Variants in AAK1 observed in about 807,000 individuals in gnomAD.
AAK1 encodes the protein AP2 associated kinase 1.
Under a neutral mutation model 116.0 loss-of-function variants are expected in AAK1, and 37 were observed. The observed-to-expected ratio is 0.32, with a 90% CI of 0.25 to 0.42. AAK1 has a LOEUF of 0.42. Among genes scored for constraint, AAK1 ranks in the 10% least tolerant of loss-of-function variants. The pLI is 1.00. For synonymous variants in AAK1, 458 were observed against 439.9 expected (o/e 1.04, Z -0.51); for missense variants, 919 against 1,170.6 (o/e 0.79, Z 3.14).
intron 12 of AAK1, chr2:69,517,069 C>A (rs1458563050): frequency 6.6e-6 from 1 of 152,128 alleles, no homozygotes; most frequent in Non-Finnish European, 1.5e-5. Context: ...ACAAAAAAAG[C>A]AATGTATTCA....
Position 69,465,567 on chromosome 2 carries a change from T to A in AAK1, c.*10302A>T. 3 of 1,290,990 alleles carry A rather than the reference T, an allele frequency of 2.3e-6. No homozygotes were observed. The highest frequency in any genetic ancestry group is 3.0e-6 in the Non-Finnish European group (3 of 988,882). 80.0% of individuals were successfully genotyped at this position (1,290,990 alleles called of 1,614,324 possible). On this transcript the variant is annotated 3_prime_UTR_variant, in exon 22 of 22. Coordinates refer to ENST00000409085, the MANE Select transcript of AAK1 (RefSeq NM_014911.5). Reference sequence around the variant, plus strand: ...CTTGTTGGTTTGTGAAACAATTTTGTAGGCAGCAATGGGCTGGGCTTCTGG... The same window carrying A: ...CTTGTTGGTTTGTGAAACAATTTTGAAGGCAGCAATGGGCTGGGCTTCTGG...
In AAK1 at chr2:69,530,628, A is replaced by G. The variant is rs1235052635; in HGVS notation, c.735T>C (p.Ile245=). The G allele has an allele frequency of 6.2e-7, 1 of 1,613,138 alleles. No homozygotes were observed. Residue 245 remains isoleucine, a synonymous_variant, in exon 7 of 22, where the codon ATT becomes ATC. Transcript: ENST00000409085. ...SGKIITTKAD[I]WALGCLLYKL... ...GGATAGGTTACCTGACACCTACCCAAATGTCTGCCTTCGTAGTGATGATTT... is the reference window on the plus strand; with the variant it reads ...GGATAGGTTACCTGACACCTACCCAGATGTCTGCCTTCGTAGTGATGATTT...
intron 19 of AAK1, 79 bp downstream of exon 19, chr2:69,480,781 G>A (rs937137872): frequency 1.5e-5 from 19 of 1,238,056 alleles, no homozygotes; most frequent in African/African-American, 1.1e-4. Flanking sequence ...GCCCAGGAAC[G>A]ACTGAGCCAG....
chr2:69,642,865 A>C lies in AAK1; in HGVS notation c.163+13T>G. 1 of 1,613,718 alleles carries C rather than the reference A, an allele frequency of 6.2e-7. No individual in the cohort carries two copies. Among genetic ancestry groups the C allele is most frequent in the Non-Finnish European group, 8.5e-7 (1 of 1,179,874 alleles). ...CAAGATTTTAATTTACGGCGCATTG[A>C]GCCCCACCGTACCTTCCGCCAACAC... On this transcript the variant is annotated intron_variant, in intron 2 of 21. Transcript: ENST00000409085.
At chr2:69,609,294 G>C (rs912867113) in intron 2 of AAK1, among the ~76,000 whole-genome samples, 4 of 152,050 alleles carry the variant, frequency 2.6e-5, no homozygotes, top group Admixed American at 6.5e-5. Context: ...ACCCAGGAGG[G>C]GGAGGTTGCA....
intron 2 of AAK1, among the ~76,000 whole-genome samples, chr2:69,590,808 T>A (rs978551482): frequency 2.6e-5 from 4 of 152,190 alleles, no homozygotes; most frequent in Non-Finnish European, 5.9e-5. Context: ...AGTAGAAAAG[T>A]CAAATGAAAT....
chr2:69,562,719 G>A (rs1191548252), intron 2 of AAK1, among the ~76,000 whole-genome samples: 3 of 151,998 alleles, frequency 2.0e-5, no homozygotes, highest in African/African-American at 4.8e-5. Flanking sequence ...ATGAAACCCC[G>A]TCTCTACTAA....
chr2:69,602,348 A>G (rs150802383), intron 2 of AAK1, among the ~76,000 whole-genome samples: 38 of 152,158 alleles, frequency 2.5e-4, no homozygotes, highest in Non-Finnish European at 4.3e-4. Flanking sequence ...CCTGATTGTG[A>G]CATCTATACT....
chr2:69,542,019 C>A (rs551397987), intron 5 of AAK1, among the ~76,000 whole-genome samples: 1 of 152,164 alleles, frequency 6.6e-6, no homozygotes, highest in African/African-American at 2.4e-5. Context: ...GTACATGGCA[C>A]GTAATTGGTG....
At chr2:69,571,485 T>C (rs886280461) in intron 2 of AAK1, among the ~76,000 whole-genome samples, 2 of 152,196 alleles carry the variant, frequency 1.3e-5, no homozygotes, top group African/African-American at 4.8e-5. Flanking sequence ...TACACTCCTT[T>C]TTACTTAATC....
chr2:69,587,089 CT>C (rs869177078), intron 2 of AAK1, among the ~76,000 whole-genome samples: 114 of 144,548 alleles, frequency 7.9e-4, no homozygotes, highest in Admixed American at 8.3e-4. Context: ...TAAAAAAAAA[CT>C]TTTTTTTTTT....
rs1453368586 is a variant in AAK1, at chr2:69,482,619, A to G, written c.2467+92T>C. ...CCTTGGCTTCTGGGGTGGCAGGGCTATTCCCCAGGGATTGGTTAACTAGGT... is the reference window on the plus strand; with the variant it reads ...CCTTGGCTTCTGGGGTGGCAGGGCTGTTCCCCAGGGATTGGTTAACTAGGT... On this transcript the variant is annotated intron_variant, in intron 18 of 21. Transcript: ENST00000409085. 3.9e-6 allele frequency: 4 copies of G among 1,017,856 alleles called. No homozygotes were observed. The East Asian group carries it at 1.0e-4, about 26-fold the overall frequency. The allele number at this position is 1,017,856 out of a possible 1,614,324, so 63.1% of individuals were successfully genotyped here.
At chr2:69,513,053 T>C (rs1423149379) in intron 13 of AAK1, among the ~76,000 whole-genome samples, 1 of 152,226 alleles carries the variant, frequency 6.6e-6, no homozygotes, top group African/African-American at 2.4e-5. Flanking sequence ...CCCTTCTAGC[T>C]ATCTCATGTA....
rs143256701 is a variant in AAK1 at position 69,465,375 on chromosome 2, G to C, written c.*10494C>G. The C allele has an allele frequency of 8.2e-7, 1 of 1,215,132 alleles. No individual in the cohort carries two copies. The highest frequency in any genetic ancestry group is 1.6e-5 in the African/African-American group (1 of 63,234). 75.3% of individuals were successfully genotyped at this position (1,215,132 alleles called of 1,614,324 possible). Reference sequence around the variant, plus strand: ...AGGCTAAGCTGGGAGTGCCATGGCGGGTATTGAGGGTGGGATAGAGACAAG... The same window carrying C: ...AGGCTAAGCTGGGAGTGCCATGGCGCGTATTGAGGGTGGGATAGAGACAAG... On this transcript the variant is annotated 3_prime_UTR_variant, in exon 22 of 22. Transcript: ENST00000409085.
At chr2:69,635,248 T>C (rs1160287961) in intron 2 of AAK1, among the ~76,000 whole-genome samples, 1 of 152,198 alleles carries the variant, frequency 6.6e-6, no homozygotes, top group East Asian at 1.9e-4. Context: ...TATAAGAAGA[T>C]ACCACCTCAC....
chr2:69,514,374 A>G (rs1182604811), intron 13 of AAK1, 97 bp downstream of exon 13: 3 of 1,429,498 alleles, frequency 2.1e-6, no homozygotes, highest in African/African-American at 1.4e-5. Flanking sequence ...AGCAACCTGG[A>G]CCCTCATCAG....
chr2:69,529,641 A>T (rs988622873), intron 8 of AAK1, among the ~76,000 whole-genome samples: 13 of 152,210 alleles, frequency 8.5e-5, no homozygotes, highest in African/African-American at 3.1e-4. Flanking sequence ...AATCATTTTC[A>T]TTTGAGTTGC....
chr2:69,486,565 G>C (rs1026673795), intron 17 of AAK1, among the ~76,000 whole-genome samples: 1 of 152,150 alleles, frequency 6.6e-6, no homozygotes, highest in African/African-American at 2.4e-5. Context: ...ACAGCTGTGC[G>C]AAAAGCTACT....
At chr2:69,496,118 G>GA (rs1558909503) in intron 16 of AAK1, 38 bp from the exon 17 acceptor site, 4 of 1,433,886 alleles carry the variant, frequency 2.8e-6, no homozygotes, top group South Asian at 2.5e-5. Flanking sequence ...AGTCAGGAGA[G>GA]AAAAAAAGAG....
Sources: gnomAD v4.1 joint callset for allele counts (sites outside exome capture counted in the v4.1 genomes callset) on GRCh38, gnomAD v4.1.1 for gene constraint, MANE v1.5 for transcripts, NCBI Gene and HGNC (gene_info 2026-07-23, HGNC 2026-07-21) for gene names.